Variants in ADAMTSL1 observed in about 807,000 individuals in gnomAD.
ADAMTSL1 encodes the protein ADAMTS like 1.
A neutral mutation model predicts 201.8 loss-of-function variants in ADAMTSL1; 126 were observed. The observed-to-expected ratio is 0.62, with a 90% CI of 0.54 to 0.72. ADAMTSL1 has a LOEUF of 0.72. Ranked by LOEUF, ADAMTSL1 falls within the 30% of genes least tolerant of loss-of-function variation. ADAMTSL1 has a pLI of 0.00. For synonymous variants in ADAMTSL1, 1,121 were observed against 903.4 expected (o/e 1.24, Z -4.32); for missense variants, 2,679 against 2,277.8 (o/e 1.18, Z -3.59).
intron 19 of ADAMTSL1, among the ~76,000 whole-genome samples, chr9:18,786,056 T>G (rs376336390): frequency 7.2e-5 from 11 of 152,372 alleles, no homozygotes; most frequent in Admixed American, 2.6e-4. Flanking sequence ...TGTAAGCTTT[T>G]AAGTAAGACT....
chr9:18,729,540 A>T (rs2133472508), intron 15 of ADAMTSL1, among the ~76,000 whole-genome samples: 1 of 152,324 alleles, frequency 6.6e-6, no homozygotes, highest in East Asian at 1.9e-4. Context: ...GTGTTTGTTT[A>T]TGTGTAAAGG....
intron 1 of ADAMTSL1, among the ~76,000 whole-genome samples, chr9:18,126,327 C>A (rs989358965): frequency 3.3e-5 from 5 of 152,266 alleles, no homozygotes; most frequent in African/African-American, 1.2e-4. Context: ...TACCACTATT[C>A]CCATTTCTCT....
At position 18,358,430 on chromosome 9, in the gene ADAMTSL1, C is replaced by T. The variant is rs763345679; in HGVS notation, c.208-146399C>T. Among the ~76,000 whole-genome samples, 10 of 152,044 alleles carry T rather than the reference C, an allele frequency of 6.6e-5. No individual in the cohort carries two copies. In the South Asian group the frequency reaches 8.3e-4, roughly 13 times the overall value. ...TAAAGTATAAAATTTAGTTATTTTACGATATTCACGATGTTGTGCAACCAT... is the reference window on the plus strand; with the variant it reads ...TAAAGTATAAAATTTAGTTATTTTATGATATTCACGATGTTGTGCAACCAT... On this transcript the variant is annotated intron_variant, in intron 2 of 29. Coordinates refer to the ADAMTSL1 transcript ENST00000680146.
At chr9:17,980,226 G>C (rs561298202) in intron 1 of ADAMTSL1, among the ~76,000 whole-genome samples, 30 of 152,148 alleles carry the variant, frequency 2.0e-4, no homozygotes, top group African/African-American at 6.7e-4. Flanking sequence ...ATCTTGTGAA[G>C]GTAGTTTTGC....
chr9:18,774,368 G>A (rs1820862812), intron 17 of ADAMTSL1, among the ~76,000 whole-genome samples: 2 of 151,948 alleles, frequency 1.3e-5, no homozygotes, highest in South Asian at 4.1e-4. Context: ...TGAGCCCTCT[G>A]TTCTGTCAAA....
intron 15 of ADAMTSL1, chr9:18,723,343 T>A: frequency 2.0e-6 from 1 of 501,266 alleles, no homozygotes; most frequent in South Asian, 2.1e-5. Flanking sequence ...CTAACCACAT[T>A]CCTGTGTTGT....
intron 2 of ADAMTSL1, among the ~76,000 whole-genome samples, chr9:18,287,645 G>GTA (rs1295104507): frequency 2.8e-5 from 1 of 36,256 alleles, no homozygotes; most frequent in African/African-American, 1.1e-4. Context: ...ATATGTATGT[G>GTA]TATACATATA....
chr9:18,255,112 A>G (rs904694004), intron 2 of ADAMTSL1, among the ~76,000 whole-genome samples: 3 of 152,166 alleles, frequency 2.0e-5, no homozygotes, highest in East Asian at 1.9e-4. Flanking sequence ...TAAACTTGAT[A>G]TTGTTTGAAA....
intron 15 of ADAMTSL1, among the ~76,000 whole-genome samples, chr9:18,735,626 C>T (rs1055686312): frequency 4.6e-5 from 7 of 152,128 alleles, no homozygotes; most frequent in African/African-American, 1.7e-4. Context: ...ATTAGTAAAA[C>T]CCCACATGTC....
chr9:18,368,463 C>T (rs1210682663), intron 2 of ADAMTSL1, among the ~76,000 whole-genome samples: 1 of 152,160 alleles, frequency 6.6e-6, no homozygotes, highest in Non-Finnish European at 1.5e-5. Flanking sequence ...CATGTACGGC[C>T]ATTTTCCTGC....
intron 1 of ADAMTSL1, among the ~76,000 whole-genome samples, chr9:18,096,247 T>G (rs991377792): frequency 6.6e-6 from 1 of 152,250 alleles, no homozygotes; most frequent in African/African-American, 2.4e-5. Flanking sequence ...GCATATATAA[T>G]GTGCATATTC....
chr9:18,519,121 C>G (rs1587439571), intron 2 of ADAMTSL1, among the ~76,000 whole-genome samples: 5 of 152,202 alleles, frequency 3.3e-5, no homozygotes, highest in Admixed American at 3.3e-4. Flanking sequence ...TCTCACCATG[C>G]TATATTTGTG....
chr9:18,890,645 G>A, intron 25 of ADAMTSL1: 1 of 455,524 alleles, frequency 2.2e-6, no homozygotes, highest in South Asian at 1.6e-5. Flanking sequence ...CTGACGGGAA[G>A]GTTTCCACAG....
At chr9:18,441,179 T>C (rs1279758307) in intron 2 of ADAMTSL1, among the ~76,000 whole-genome samples, 1 of 140,614 alleles carries the variant, frequency 7.1e-6, no homozygotes, top group Non-Finnish European at 1.6e-5. Flanking sequence ...GGGAGAGGAA[T>C]GGGGTTTCTT....
intron 2 of ADAMTSL1, among the ~76,000 whole-genome samples, chr9:18,211,296 A>T (rs906811620): frequency 4.6e-5 from 7 of 152,108 alleles, no homozygotes; most frequent in African/African-American, 1.7e-4. Context: ...GTGACCACCC[A>T]AACAGTAAGA....
chr9:18,863,701 C>A (rs149627312), intron 23 of ADAMTSL1, among the ~76,000 whole-genome samples: 1 of 152,180 alleles, frequency 6.6e-6, no homozygotes. Flanking sequence ...TAGCGACCAT[C>A]TCTGCCACCC....
intron 2 of ADAMTSL1, among the ~76,000 whole-genome samples, chr9:18,287,391 A>G (rs1364102103): frequency 1.3e-5 from 2 of 151,948 alleles, no homozygotes; most frequent in East Asian, 1.9e-4. Flanking sequence ...ATATGTGTGT[A>G]TATATGCACA....
intron 1 of ADAMTSL1, among the ~76,000 whole-genome samples, chr9:18,037,883 G>T (rs962710304): frequency 5.9e-5 from 9 of 152,152 alleles, no homozygotes; most frequent in African/African-American, 2.2e-4. Flanking sequence ...AAATAGGCAT[G>T]TTCTCCAGGA....
chr9:18,024,143 G>T (rs1820595047), intron 1 of ADAMTSL1, among the ~76,000 whole-genome samples: 1 of 152,046 alleles, frequency 6.6e-6, no homozygotes, highest in East Asian at 1.9e-4. Flanking sequence ...GGTAAAAATG[G>T]ATTGATATCT....
Sources: allele counts gnomAD v4.1 joint callset (sites outside exome capture counted in the v4.1 genomes callset), GRCh38; gene constraint gnomAD v4.1.1; transcripts MANE v1.5; gene names NCBI Gene and HGNC (gene_info 2026-07-23, HGNC 2026-07-21).